The following HTT variants were observed in gnomAD, a reference collection of about 807,000 sequenced individuals.
The protein encoded by HTT is huntingtin.
Under a neutral mutation model 362.3 loss-of-function variants are expected in HTT, and 104 were observed. The observed-to-expected ratio is 0.29, with a 90% CI of 0.24 to 0.34. HTT has a LOEUF of 0.34. HTT is among the 10% of genes least tolerant of loss of function. The probability of loss-of-function intolerance (pLI) is 1.00; values close to 1 mark genes in which losing one functional copy is unlikely to be tolerated. For synonymous variants in HTT, 1,577 were observed against 1,548.7 expected (o/e 1.02, Z -0.43); for missense variants, 3,301 against 3,928.6 (o/e 0.84, Z 4.27).
In HTT at chr4:3,178,528, G is replaced by T. The variant is rs574179374; in HGVS notation, c.4612+82G>T. 4.8e-6 allele frequency: 6 copies of T among 1,237,886 alleles called. No homozygotes were observed. The African/African-American group carries it at 8.9e-5, about 18-fold the overall frequency. The allele number at this position is 1,237,886 out of a possible 1,614,324, so 76.7% of individuals were successfully genotyped here. A position where few individuals can be genotyped will look rare whatever the true frequency, so the allele number is the denominator to read the frequency against. ...TCGTTTTCATATACCCACTTTGAAC[G>T]TTGTCAGTGGCAGCCATGTGCTTCT... On this transcript the variant is annotated intron_variant, in intron 35 of 66. Transcript: ENST00000355072.
At chr4:3,230,132 C>A in intron 60 of HTT, 90 bp downstream of exon 60, 1 of 1,110,966 alleles carries the variant, frequency 9.0e-7, no homozygotes, top group Non-Finnish European at 1.4e-6. Flanking sequence ...GTGCCGGGTG[C>A]GGCTGCCTCC....
In HTT at chr4:3,198,836, G is replaced by A. The variant is rs1306842939; in HGVS notation, c.5369-896G>A. Among the ~76,000 whole-genome samples the A allele has an allele frequency of 3.9e-5, 6 of 152,216 alleles. 1 individual carries two copies. Among genetic ancestry groups the A allele is most frequent in the Admixed American group, 3.9e-4 (6 of 15,282 alleles). On this transcript the variant is annotated intron_variant, in intron 40 of 66. Coordinates refer to ENST00000355072, the MANE Select transcript of HTT (RefSeq NM_001388492.1). ...TGTGGGGAGGCTGACCGCTTGGCCT[G>A]CCTAGGCCCAGGATGCTCCATGGCC...
At position 3,074,773 on chromosome 4, in the gene HTT, C is replaced by G. The variant is rs1712375282; in HGVS notation, c.-53C>G. On this transcript the variant is annotated 5_prime_UTR_variant, in exon 1 of 67. Coordinates refer to ENST00000355072, the MANE Select transcript of HTT (RefSeq NM_001388492.1). ...TTCATTGCCCCGGTGCTGAGCGGCG[C>G]CGCGAGTCGGCCCGAGGCCTCCGGG... is the stretch of plus-strand genomic sequence containing the variant. 3 of 1,497,696 alleles carry G rather than the reference C, an allele frequency of 2.0e-6. No individual in the cohort carries two copies. The East Asian group carries it at 8.4e-5, about 42-fold the overall frequency. The allele number at this position is 1,497,696 out of a possible 1,614,324, so 92.8% of individuals were successfully genotyped here. A position where few individuals can be genotyped will look rare whatever the true frequency, so the allele number is the denominator to read the frequency against.
At chr4:3,204,782 C>T (rs1384645428) in intron 42 of HTT, among the ~76,000 whole-genome samples, 1 of 152,056 alleles carries the variant, frequency 6.6e-6, no homozygotes, top group Non-Finnish European at 1.5e-5. Context: ...AGCCTGGCAA[C>T]ACAGAGAAAC....
rs1718894157 is a variant in HTT at position 3,188,947 on chromosome 4, G to T, written c.5226-4G>T. On this transcript the variant is annotated splice_region_variant and splice_polypyrimidine_tract_variant and intron_variant, in intron 39 of 66. Transcript: ENST00000355072. ...TCACTGTCATCTTTTTTGTTTCTTGGAAGGTTTCTATTACAACTGGTTGGT... is the reference window on the plus strand; with the variant it reads ...TCACTGTCATCTTTTTTGTTTCTTGTAAGGTTTCTATTACAACTGGTTGGT... The T allele has an allele frequency of 1.2e-6, 2 of 1,611,206 alleles. No individual in the cohort carries two copies. Among genetic ancestry groups the T allele is most frequent in the South Asian group, 1.1e-5 (1 of 90,436 alleles).
Position 3,239,129 on chromosome 4 carries a change from CA to C in HTT, c.9215+152del, listed in dbSNP as rs532025615. ...CAGCCCCAGGGAAGTAAAATGCTGA[CA>C]GGGGTACAGAAAGGAGCACGTCCAG... On this transcript the variant is annotated intron_variant, in intron 66 of 66. Transcript: ENST00000355072. 8.4e-4 allele frequency: 695 copies of C among 823,516 alleles called. 3 individuals carry two copies. The African/African-American group carries it at 9.2e-3, about 11-fold the overall frequency. 51.0% of individuals were successfully genotyped at this position (823,516 alleles called of 1,614,324 possible).
intron 1 of HTT, among the ~76,000 whole-genome samples, chr4:3,081,207 C>T (rs955010647): frequency 6.6e-6 from 1 of 152,184 alleles, no homozygotes. Flanking sequence ...TTGTCTTCCA[C>T]CTATGAACAT....
At chr4:3,215,037 A>T in intron 50 of HTT, 73 bp from the exon 51 acceptor site, 1 of 1,249,182 alleles carries the variant, frequency 8.0e-7, no homozygotes, top group Non-Finnish European at 1.1e-6. Flanking sequence ...GGCTGCACAA[A>T]TGTAAAATGT....
intron 37 of HTT, among the ~76,000 whole-genome samples, chr4:3,185,829 A>G (rs1035670448): frequency 1.3e-5 from 2 of 152,048 alleles, no homozygotes; most frequent in African/African-American, 4.8e-5. Context: ...TGGGAGGATC[A>G]CTTGAGCCCA....
intron 47 of HTT, 158 bp from the exon 48 acceptor site, chr4:3,211,771 T>C (rs1184880556): frequency 5.1e-6 from 3 of 591,088 alleles, no homozygotes; most frequent in Non-Finnish European, 3.0e-6. Flanking sequence ...ATAACAGGCA[T>C]AGAGTAGAAT....
intron 3 of HTT, among the ~76,000 whole-genome samples, chr4:3,102,791 C>T (rs888565139): frequency 6.6e-6 from 1 of 152,242 alleles, no homozygotes; most frequent in South Asian, 2.1e-4. Flanking sequence ...CATCCCCTAG[C>T]TTGAGAAGCC....
chr4:3,085,120 G>A (rs772002844), intron 1 of HTT, among the ~76,000 whole-genome samples: 6 of 152,002 alleles, frequency 3.9e-5, no homozygotes, highest in Non-Finnish European at 8.8e-5. Flanking sequence ...CACAATTAGA[G>A]GAGGCTGGCG....
intron 40 of HTT, among the ~76,000 whole-genome samples, chr4:3,195,678 T>A (rs1186531519): frequency 6.6e-6 from 1 of 152,162 alleles, no homozygotes; most frequent in African/African-American, 2.4e-5. Flanking sequence ...AAACCAACAT[T>A]TCCATGGCTT....
chr4:3,204,401 C>T lies in HTT; in HGVS notation c.5718+253C>T, dbSNP rs115346516. 6.9e-3 allele frequency among the ~76,000 whole-genome samples: 1,048 copies of T among 152,280 alleles called. 13 individuals are homozygous for T. The highest frequency in any genetic ancestry group is 0.023 in the African/African-American group (958 of 41,554). On this transcript the variant is annotated intron_variant, in intron 42 of 66. Coordinates refer to ENST00000355072, the MANE Select transcript of HTT (RefSeq NM_001388492.1). ...GCAGCTGACTCATTTATCAAATGCC[C>T]GGCTATTGGCTCACGCCTACATGAT...
intron 26 of HTT, among the ~76,000 whole-genome samples, chr4:3,153,917 AAAAG>A (rs933766749): frequency 2.5e-4 from 38 of 152,134 alleles, no homozygotes; most frequent in Non-Finnish European, 4.9e-4. Context: ...CCTGTCTCAA[AAAAG>A]AAAAAAAAAA....
chr4:3,235,357 C>G lies in HTT; in HGVS notation c.8530C>G (p.Pro2844Ala). ...ATAFYLIENY[P>A]LDVGPEFSAS... ...TGCGTTTTACCTCATTGAGAACTAT[C>G]CTCTGGACGTAGGGCCGGAATTTTC... Residue 2844 changes from proline to alanine, a missense_variant, in exon 62 of 67, where the codon CCT becomes GCT. By Grantham distance (27) the Pro-to-Ala change is conservative. Around this residue, in one of 4 missense-constraint regions of HTT, gnomAD observed 753 missense variants for 1,021.3 expected, o/e 0.74. Coordinates refer to ENST00000355072, the MANE Select transcript of HTT (RefSeq NM_001388492.1). 6.2e-7 allele frequency: 1 copy of G among 1,613,826 alleles called. No individual in the cohort carries two copies. Among genetic ancestry groups the G allele is most frequent in the Admixed American group, 1.7e-5 (1 of 60,030 alleles).
intron 51 of HTT, among the ~76,000 whole-genome samples, chr4:3,216,301 A>G (rs541766966): frequency 6.6e-6 from 1 of 152,322 alleles, no homozygotes; most frequent in Admixed American, 6.5e-5. Context: ...TTCAGGCTTC[A>G]GTTTGTGATT....
intron 61 of HTT, among the ~76,000 whole-genome samples, chr4:3,233,593 G>A (rs1159227195): frequency 4.6e-5 from 7 of 152,162 alleles, no homozygotes; most frequent in Non-Finnish European, 1.0e-4. Flanking sequence ...CTCATGTGGC[G>A]CTTAGCACAC....
At chr4:3,101,859 C>T (rs1347762932) in intron 3 of HTT, among the ~76,000 whole-genome samples, 1 of 152,080 alleles carries the variant, frequency 6.6e-6, no homozygotes, top group Non-Finnish European at 1.5e-5. Flanking sequence ...TCTAGGGAGG[C>T]AGGAAAGGCT....
Sources: gnomAD v4.1 joint callset for allele counts (sites outside exome capture counted in the v4.1 genomes callset) on GRCh38, gnomAD v4.1.1 for gene constraint, gnomAD v4.1.1 regional missense constraint, MANE v1.5 for transcripts, NCBI Gene and HGNC (gene_info 2026-07-23, HGNC 2026-07-21) for gene names.